The following FHIT variants were observed in gnomAD, a reference collection of about 807,000 sequenced individuals.
The protein encoded by FHIT is bis(5'-adenosyl)-triphosphatase.
FHIT carries 19 observed loss-of-function variants against 17.9 expected under a neutral mutation model. That is an observed-to-expected ratio of 1.06 (90% CI 0.74 to 1.56). The LOEUF (loss-of-function observed/expected upper bound fraction) is 1.56, where lower values mean the gene tolerates loss of function less well. Ranked by LOEUF, FHIT falls within the 40% of genes most tolerant of loss-of-function variation. The pLI is 0.00. For missense variants in FHIT, 248 were observed against 189.2 expected, an observed-to-expected ratio of 1.31 and a Z score of -1.82; for synonymous variants, 81 against 69.7, an observed-to-expected ratio of 1.16 and a Z score of -0.81.
At chr3:60,048,177 TC>T (rs1332295736) in intron 5 of FHIT, among the ~76,000 whole-genome samples, 6 of 152,248 alleles carry the variant, frequency 3.9e-5, no homozygotes, top group Non-Finnish European at 7.4e-5. Context: ...GTTCTCTCTT[TC>T]TTTGTTTTCT....
At chr3:61,138,224 G>A (rs148670457) in intron 2 of FHIT, among the ~76,000 whole-genome samples, 62 of 152,320 alleles carry the variant, frequency 4.1e-4, no homozygotes, top group African/African-American at 1.2e-3. Flanking sequence ...ACACTTCTGA[G>A]AAAGACAACC....
intron 8 of FHIT, among the ~76,000 whole-genome samples, chr3:59,787,492 AC>A (rs1699359047): frequency 2.2e-5 from 1 of 45,366 alleles, no homozygotes; most frequent in East Asian, 5.4e-4. Context: ...ACACACACAC[AC>A]ACACACACAC....
intron 5 of FHIT, among the ~76,000 whole-genome samples, chr3:60,266,015 A>G (rs1232116407): frequency 6.6e-6 from 1 of 151,994 alleles, no homozygotes; most frequent in Admixed American, 6.6e-5. Flanking sequence ...TAGTATATAT[A>G]AAGGTATATA....
intron 8 of FHIT, among the ~76,000 whole-genome samples, chr3:59,866,912 C>A (rs1162906159): frequency 1.3e-5 from 2 of 151,874 alleles, no homozygotes; most frequent in Non-Finnish European, 2.9e-5. Context: ...TTTATGTCAC[C>A]GCTGCTCGGC....
At chr3:59,808,110 C>A (rs572215288) in intron 8 of FHIT, among the ~76,000 whole-genome samples, 54 of 152,318 alleles carry the variant, frequency 3.5e-4, no homozygotes, top group African/African-American at 1.2e-3. Context: ...CAGTCCCTGG[C>A]AACCACTTAT....
At chr3:60,562,486 G>T (rs185228920) in intron 4 of FHIT, among the ~76,000 whole-genome samples, 1 of 152,278 alleles carries the variant, frequency 6.6e-6, no homozygotes, top group Non-Finnish European at 1.5e-5. Context: ...TCCAGGAAGG[G>T]TGTTTGTCAG....
intron 5 of FHIT, among the ~76,000 whole-genome samples, chr3:60,080,616 G>T (rs1576053003): frequency 6.6e-6 from 1 of 152,058 alleles, no homozygotes; most frequent in Non-Finnish European, 1.5e-5. Flanking sequence ...AATAAAACAG[G>T]TCTGGCTGGA....
chr3:60,238,536 A>C (rs532974876), intron 5 of FHIT, among the ~76,000 whole-genome samples: 1 of 151,968 alleles, frequency 6.6e-6, no homozygotes, highest in East Asian at 1.9e-4. Flanking sequence ...TAAAAGATTA[A>C]AACATTTCAC....
chr3:60,563,154 TAAG>T (rs1039825677), intron 4 of FHIT, among the ~76,000 whole-genome samples: 23 of 152,098 alleles, frequency 1.5e-4, no homozygotes, highest in African/African-American at 4.8e-4. Flanking sequence ...ACCACACAGT[TAAG>T]AAGCTACAAA....
chr3:60,494,772 C>G (rs1392371546), intron 5 of FHIT, among the ~76,000 whole-genome samples: 1 of 152,140 alleles, frequency 6.6e-6, no homozygotes, highest in East Asian at 1.9e-4. Flanking sequence ...AGAATGACCT[C>G]CAGTTCCATT....
At chr3:59,819,613 C>T (rs958407350) in intron 8 of FHIT, among the ~76,000 whole-genome samples, 4 of 152,208 alleles carry the variant, frequency 2.6e-5, no homozygotes, top group Non-Finnish European at 4.4e-5. Flanking sequence ...TTCTTCCAGA[C>T]ATTTTTCTGT....
chr3:60,455,964 T>C (rs1447183558), intron 5 of FHIT, among the ~76,000 whole-genome samples: 1 of 152,114 alleles, frequency 6.6e-6, no homozygotes, highest in Non-Finnish European at 1.5e-5. Context: ...ATAAACTGAG[T>C]CTAGCAAGTG....
At chr3:60,675,088 CAG>C (rs1384325547) in intron 4 of FHIT, among the ~76,000 whole-genome samples, 1 of 152,224 alleles carries the variant, frequency 6.6e-6, no homozygotes, top group African/African-American at 2.4e-5. Context: ...AGGCTTGCCT[CAG>C]GGGTTTACCT....
rs557174153 is a variant in FHIT at position 59,799,167 on chromosome 3, C to A, written c.349-46846G>T. ...AAAATACCATTCTTAGTAGAATAAA[C>A]CTTCTTTGAAGGCGTACATAGACTT... On this transcript the variant is annotated intron_variant, in intron 8 of 9. Transcript: ENST00000492590. 6.6e-5 allele frequency among the ~76,000 whole-genome samples: 10 copies of A among 152,302 alleles called. No homozygotes were observed. The South Asian group carries it at 2.1e-3, about 32-fold the overall frequency.
intron 5 of FHIT, among the ~76,000 whole-genome samples, chr3:60,186,366 G>A (rs73831982): frequency 0.011 from 1,702 of 152,144 alleles, 31 homozygotes; most frequent in African/African-American, 0.04. Context: ...ACCACCATTT[G>A]TTGAAAAGTT....
chr3:60,059,900 G>A (rs1702231534), intron 5 of FHIT, among the ~76,000 whole-genome samples: 1 of 152,134 alleles, frequency 6.6e-6, no homozygotes, highest in African/African-American at 2.4e-5. Flanking sequence ...GACTTCAACA[G>A]GTCTTCATGG....
At chr3:60,798,216 C>T (rs943662797) in intron 4 of FHIT, among the ~76,000 whole-genome samples, 1 of 151,314 alleles carries the variant, frequency 6.6e-6, no homozygotes, top group African/African-American at 2.4e-5. Flanking sequence ...TGCCAATAGA[C>T]AAAAAGTATC....
chr3:59,905,154 A>G (rs1704527359), intron 8 of FHIT, among the ~76,000 whole-genome samples: 1 of 152,198 alleles, frequency 6.6e-6, no homozygotes, highest in Non-Finnish European at 1.5e-5. Flanking sequence ...GTTGCTATCA[A>G]TTTGGAAACC....
At chr3:60,511,571 A>T (rs990668599) in intron 5 of FHIT, among the ~76,000 whole-genome samples, 1 of 152,080 alleles carries the variant, frequency 6.6e-6, no homozygotes, top group Non-Finnish European at 1.5e-5. Flanking sequence ...GAGAGGAAGC[A>T]CCCCCATAGT....
Sources: gnomAD v4.1 joint callset for allele counts (sites outside exome capture counted in the v4.1 genomes callset) on GRCh38, gnomAD v4.1.1 for gene constraint, MANE v1.5 for transcripts, NCBI Gene and HGNC (gene_info 2026-07-23, HGNC 2026-07-21) for gene names.